SLC38A9: variants seen among roughly 807,000 people sequenced by gnomAD.
The protein encoded by SLC38A9 is solute carrier family 38 member 9, also known as neutral amino acid transporter 9.
Under a neutral mutation model 62.3 loss-of-function variants are expected in SLC38A9, and 48 were observed. The observed-to-expected ratio is 0.77, with a 90% confidence interval of 0.61 to 0.98. SLC38A9 has a LOEUF of 0.98. SLC38A9 is among the 50% of genes least tolerant of loss of function. The probability of loss-of-function intolerance (pLI) is 0.00; values close to 1 mark genes in which losing one functional copy is unlikely to be tolerated. For missense variants in SLC38A9, 541 were observed against 679.8 expected (o/e 0.80, Z 2.27); for synonymous variants, 204 against 227.7 (o/e 0.90, Z 0.94).
intron 12 of SLC38A9, among the ~76,000 whole-genome samples, chr5:55,636,911 C>A (rs903810474): frequency 6.6e-6 from 1 of 152,180 alleles, no homozygotes; most frequent in Non-Finnish European, 1.5e-5. Flanking sequence ...GGCACAGTTT[C>A]AAAATCATTC....
chr5:55,685,702 T>G lies in SLC38A9; in HGVS notation c.113+12144A>C, dbSNP rs556168191. Among the ~76,000 whole-genome samples the G allele has an allele frequency of 2.0e-4, 30 of 151,772 alleles. No individual in the cohort carries two copies. In the South Asian group the frequency reaches 5.6e-3, roughly 29 times the overall value. On this transcript the variant is annotated intron_variant, in intron 3 of 15. Transcript: ENST00000396865. ...CATAGGCAAACATGTGTGATGGGGG[T>G]TTGTTGTACAGATTATTTCATCACC...
intron 3 of SLC38A9, among the ~76,000 whole-genome samples, chr5:55,689,731 C>T (rs987072102): frequency 1.6e-4 from 24 of 152,156 alleles, no homozygotes; most frequent in Non-Finnish European, 3.1e-4. Flanking sequence ...CTAATACAGT[C>T]CCCAACTTAC....
rs932420926 is a variant in SLC38A9, at chr5:55,680,804, T to G, written c.114-8109A>C. Among the ~76,000 whole-genome samples the G allele has an allele frequency of 2.0e-5, 3 of 152,330 alleles. No individual in the cohort carries two copies. The South Asian group carries it at 6.2e-4, about 32-fold the overall frequency. Reference sequence around the variant, plus strand: ...CTGTCAACAAATGGTTTACACAAACTGGTCATTCAAAAGATGATGGCTGTA... The same window carrying G: ...CTGTCAACAAATGGTTTACACAAACGGGTCATTCAAAAGATGATGGCTGTA... On this transcript the variant is annotated intron_variant, in intron 3 of 15. Transcript: ENST00000396865.
intron 11 of SLC38A9, among the ~76,000 whole-genome samples, chr5:55,648,432 G>A (rs1429444423): frequency 1.3e-5 from 2 of 152,018 alleles, no homozygotes; most frequent in African/African-American, 4.8e-5. Context: ...TTAAATAACA[G>A]ACTCCTTCAC....
chr5:55,687,147 A>C (rs552298151), intron 3 of SLC38A9, among the ~76,000 whole-genome samples: 1 of 150,052 alleles, frequency 6.7e-6, no homozygotes, highest in African/African-American at 2.5e-5. Flanking sequence ...TATTTTTAAA[A>C]GTTTTTTCTA....
At chr5:55,692,941 G>A (rs1754947656) in intron 3 of SLC38A9, 1 of 977,164 alleles carries the variant, frequency 1.0e-6, no homozygotes, top group East Asian at 1.1e-4. Flanking sequence ...AATTTCTCAT[G>A]TGATAAATTT....
In SLC38A9 at chr5:55,633,754, C is replaced by T; in HGVS notation, c.1430G>A (p.Ser477Asn). The change falls in exon 14 of 16, where the codon AGC (serine) becomes AAC (asparagine). Residue 477 changes from serine (S) to asparagine (N), a missense_variant and splice_region_variant. Coordinates refer to ENST00000396865, the MANE Select transcript of SLC38A9 (RefSeq NM_173514.4). Reference protein sequence around the residue: ...LGHIFGDIYPSIFHVLILNLI... With the variant: ...LGHIFGDIYPNIFHVLILNLI... Reference sequence around the variant, plus strand: ...TGCTGGTCAAGAGAAGAGCCCTTACCTAGGATAAATGTCACCGAAGATATG... The same window carrying T: ...TGCTGGTCAAGAGAAGAGCCCTTACTTAGGATAAATGTCACCGAAGATATG... 2 of 1,614,076 alleles carry T rather than the reference C, an allele frequency of 1.2e-6. No individual in the cohort carries two copies. The highest frequency in any genetic ancestry group is 1.7e-6 in the Non-Finnish European group (2 of 1,179,996).
At chr5:55,701,099 A>G (rs979150990) in intron 2 of SLC38A9, among the ~76,000 whole-genome samples, 3 of 152,210 alleles carry the variant, frequency 2.0e-5, no homozygotes, top group African/African-American at 7.2e-5. Context: ...CTACATTTGA[A>G]GTGCTCAAAA....
chr5:55,672,565 G>A lies in SLC38A9; in HGVS notation c.244C>T (p.Leu82=), dbSNP rs965252346. The change falls in exon 4 of 16, where the codon CTG becomes TTG. Residue 82 remains leucine, a splice_region_variant and synonymous_variant. Transcript: ENST00000396865. ...SRLTTPADKA[L]IAPDHVVPAP... is the part of the protein sequence containing the mutation. ...ATTAGTAATGTTTTGTCTCTTACCA[G>A]TGCCTTGTCTGCAGGAGTGGTGAGC... 1.2e-6 allele frequency: 2 copies of A among 1,613,896 alleles called. No homozygotes were observed. Among genetic ancestry groups the A allele is most frequent in the African/African-American group, 1.3e-5 (1 of 75,032 alleles).
At chr5:55,705,378 T>A (rs1418415608) in intron 2 of SLC38A9, among the ~76,000 whole-genome samples, 3 of 150,048 alleles carry the variant, frequency 2.0e-5, no homozygotes, top group Non-Finnish European at 3.0e-5. Flanking sequence ...ATGTTTTACA[T>A]GTTATTGTTT....
rs142098086 is a variant in SLC38A9, at chr5:55,634,147, C to G, written c.1282-245G>C. ...ATTTTATTCTATTTTACAAAAGTAT[C>G]AGCCTGCAATTTATTTAACATTAAA... is the stretch of plus-strand genomic sequence containing the variant. On this transcript the variant is annotated intron_variant, in intron 13 of 15. Coordinates refer to ENST00000396865, the MANE Select transcript of SLC38A9 (RefSeq NM_173514.4). 9.7e-4 allele frequency: 321 copies of G among 332,440 alleles called. 2 individuals are homozygous for G. The highest frequency in any genetic ancestry group is 6.3e-3 in the African/African-American group (298 of 47,122). The allele number at this position is 332,440 out of a possible 1,614,324, so 20.6% of individuals were successfully genotyped here. A position where few individuals can be genotyped will look rare whatever the true frequency, so the allele number is the denominator to read the frequency against.
chr5:55,652,469 C>T (rs1747693001), intron 10 of SLC38A9, 60 bp downstream of exon 10: 9 of 1,065,108 alleles, frequency 8.4e-6, no homozygotes, highest in Non-Finnish European at 1.2e-5. Flanking sequence ...ACCATATTTC[C>T]CTAGACTCCA....
At chr5:55,678,143 T>TGTTTTTG (rs199539715) in intron 3 of SLC38A9, among the ~76,000 whole-genome samples, 5 of 145,754 alleles carry the variant, frequency 3.4e-5, no homozygotes, top group South Asian at 4.5e-4. Flanking sequence ...TACTGGTTTT[T>TGTTTTTG]TTTTCTTTTT....
At chr5:55,678,138 G>GTTTTTTTTTTTTT (rs769465008) in intron 3 of SLC38A9, among the ~76,000 whole-genome samples, 1 of 129,444 alleles carries the variant, frequency 7.7e-6, no homozygotes, top group Non-Finnish European at 1.6e-5. Flanking sequence ...AAGGTTACTG[G>GTTTTTTTTTTTTT]TTTTTTTTTC....
intron 2 of SLC38A9, among the ~76,000 whole-genome samples, chr5:55,710,067 C>CAAAA (rs1174162436): frequency 4.8e-5 from 1 of 20,900 alleles, no homozygotes; most frequent in Non-Finnish European, 1.2e-4. Context: ...GACTCCATCT[C>CAAAA]AAAAAAAAAA....
chr5:55,677,117 A>G (rs1009215457), intron 3 of SLC38A9, among the ~76,000 whole-genome samples: 2 of 152,200 alleles, frequency 1.3e-5, no homozygotes, highest in African/African-American at 4.8e-5. Context: ...GTGTCTAGGT[A>G]TTTACTCCAT....
intron 8 of SLC38A9, chr5:55,658,022 C>T (rs1015768301): frequency 6.6e-6 from 1 of 152,112 alleles, no homozygotes; most frequent in African/African-American, 2.4e-5. Context: ...ATAGCATTCC[C>T]CTTACCCCAA....
At chr5:55,658,846 C>G (rs56877254) in intron 8 of SLC38A9, among the ~76,000 whole-genome samples, 1 of 151,984 alleles carries the variant, frequency 6.6e-6, no homozygotes, top group African/African-American at 2.4e-5. Flanking sequence ...TAGCTCCTAC[C>G]CCTCCAAAAA....
intron 3 of SLC38A9, among the ~76,000 whole-genome samples, chr5:55,679,463 C>A (rs1197680475): frequency 6.6e-6 from 1 of 152,044 alleles, no homozygotes; most frequent in African/African-American, 2.4e-5. Flanking sequence ...TTTCAAAATT[C>A]TTTTCAATGC....
Sources: gnomAD v4.1 joint callset for allele counts (sites outside exome capture counted in the v4.1 genomes callset) on GRCh38, gnomAD v4.1.1 for gene constraint, MANE v1.5 for transcripts, NCBI Gene and HGNC (gene_info 2026-07-23, HGNC 2026-07-21) for gene names.